Variants in UIMC1 observed in about 807,000 individuals in gnomAD.
UIMC1 encodes ubiquitin interaction motif containing 1, also known as BRCA1-A complex subunit RAP80.
UIMC1 carries 42 observed loss-of-function variants against 84.9 expected under a neutral mutation model. The observed-to-expected ratio is 0.49, with a 90% CI of 0.39 to 0.64. UIMC1 has a LOEUF of 0.64. UIMC1 is among the 30% of genes least tolerant of loss of function. The pLI, the probability that UIMC1 is intolerant of heterozygous loss-of-function variation, is 0.00. For missense variants in UIMC1, 825 were observed against 847.6 expected (o/e 0.97, Z 0.33); for synonymous variants, 281 against 293.0 (o/e 0.96, Z 0.42).
chr5:177,011,427 T>A (rs908452930), upstream of UIMC1, among the ~76,000 whole-genome samples: 2 of 150,912 alleles, frequency 1.3e-5, no homozygotes, highest in African/African-American at 2.4e-5. Flanking sequence ...ATAAAAACAT[T>A]TAAAATTTAG....
Position 176,973,359 on chromosome 5 carries a change from G to A in UIMC1, c.232+2037C>T, listed in dbSNP as rs755795102. On this transcript the variant is annotated intron_variant, in intron 3 of 14. Coordinates refer to ENST00000511320, the MANE Select transcript of UIMC1 (RefSeq NM_001199298.2). ...CAGACATACAATCAGTACATAAAAC[G>A]GAATACAAAGCTTATCTGTGGTATT... Among the ~76,000 whole-genome samples the A allele has an allele frequency of 8.4e-4, 128 of 151,950 alleles. 1 individual carries two copies. The highest frequency in any genetic ancestry group is 1.3e-3 in the Non-Finnish European group (91 of 67,948).
intron 1 of UIMC1, among the ~76,000 whole-genome samples, chr5:177,002,673 C>T (rs902942263): frequency 6.6e-6 from 1 of 152,038 alleles, no homozygotes; most frequent in Non-Finnish European, 1.5e-5. Flanking sequence ...TAGTGGCACG[C>T]GCCTGTAGTC....
chr5:176,914,479 T>C (rs529631361), intron 10 of UIMC1, among the ~76,000 whole-genome samples: 82 of 152,292 alleles, frequency 5.4e-4, no homozygotes, highest in African/African-American at 1.8e-3. Context: ...GTGCAAGTAA[T>C]TTGGGGAGAT....
chr5:177,010,617 G>T (rs1246898449), upstream of UIMC1, among the ~76,000 whole-genome samples: 1 of 152,060 alleles, frequency 6.6e-6, no homozygotes, highest in African/African-American at 2.4e-5. Context: ...TGCCTCCTGG[G>T]TTCAAGCGAT....
chr5:176,975,547 C>A, intron 2 of UIMC1, 67 bp from the exon 3 acceptor site: 5 of 1,518,524 alleles, frequency 3.3e-6, no homozygotes, highest in Non-Finnish European at 4.6e-6. Context: ...CTCTCTTCTA[C>A]CTCCCCTATG....
chr5:176,998,570 C>G (rs972919023), intron 1 of UIMC1, among the ~76,000 whole-genome samples: 1 of 150,786 alleles, frequency 6.6e-6, no homozygotes, highest in African/African-American at 2.4e-5. Context: ...GAGTTCGAGA[C>G]CAGCCTGACA....
At chr5:176,958,290 G>T in intron 6 of UIMC1, 136 bp from the exon 7 acceptor site, 1 of 640,484 alleles carries the variant, frequency 1.6e-6, no homozygotes, top group Non-Finnish European at 2.5e-6. Flanking sequence ...CCATAAGCCA[G>T]TAAGTGTCAA....
intron 11 of UIMC1, among the ~76,000 whole-genome samples, 200 bp downstream of exon 11, chr5:176,911,111 A>G: frequency 7.6e-6 from 1 of 131,216 alleles, no homozygotes; most frequent in African/African-American, 2.9e-5. Context: ...AGAGAGAGAG[A>G]GAAGAAAAGA....
upstream of UIMC1, among the ~76,000 whole-genome samples, chr5:177,008,578 C>T (rs1349944345): frequency 1.3e-5 from 2 of 151,860 alleles, no homozygotes; most frequent in African/African-American, 4.9e-5. Flanking sequence ...CCTTTTAGGG[C>T]ATCTTACTTC....
At chr5:176,959,265 G>C (rs1331199694) in intron 6 of UIMC1, among the ~76,000 whole-genome samples, 1 of 152,184 alleles carries the variant, frequency 6.6e-6, no homozygotes, top group Non-Finnish European at 1.5e-5. Flanking sequence ...GAAAGAAAGA[G>C]AAAGAGAATG....
intron 5 of UIMC1, 63 bp from the exon 6 acceptor site, chr5:176,969,354 G>A: frequency 6.5e-7 from 1 of 1,529,706 alleles, no homozygotes; most frequent in East Asian, 2.3e-5. Context: ...GGCTTGGTAA[G>A]TTATCACTTA....
chr5:177,011,890 T>G (rs953980891), intron 1 of UIMC1, among the ~76,000 whole-genome samples: 2 of 151,852 alleles, frequency 1.3e-5, no homozygotes, highest in African/African-American at 4.8e-5. Flanking sequence ...AAGCTCTGCC[T>G]CCTGGGTTCA....
At chr5:176,934,649 G>A (rs1024211176) in intron 10 of UIMC1, among the ~76,000 whole-genome samples, 1 of 152,210 alleles carries the variant, frequency 6.6e-6, no homozygotes, top group Admixed American at 6.5e-5. Flanking sequence ...TTTTCTGACA[G>A]ATACTAACAG....
chr5:176,970,882 G>A lies in UIMC1; in HGVS notation c.233-16C>T, dbSNP rs1313001673. 6.2e-7 allele frequency: 1 copy of A among 1,611,902 alleles called. No individual in the cohort carries two copies. The highest frequency in any genetic ancestry group is 8.5e-7 in the Non-Finnish European group (1 of 1,179,294). ...TCTGTCATCTCTGTAAGAGGATAGG[G>A]AAAAGAGAAGGAGGAACACCACAAA... On this transcript the variant is annotated splice_polypyrimidine_tract_variant and intron_variant, in intron 3 of 14. Coordinates refer to ENST00000511320, the MANE Select transcript of UIMC1 (RefSeq NM_001199298.2).
chr5:176,933,101 T>A (rs1257247804), intron 10 of UIMC1, among the ~76,000 whole-genome samples: 2 of 152,182 alleles, frequency 1.3e-5, no homozygotes, highest in African/African-American at 4.8e-5. Flanking sequence ...TGGCCCAGGC[T>A]GCATAAATCT....
intron 1 of UIMC1, among the ~76,000 whole-genome samples, chr5:176,994,683 T>G: frequency 6.6e-6 from 1 of 152,056 alleles, no homozygotes; most frequent in Non-Finnish European, 1.5e-5. Context: ...GGGCTTGACT[T>G]TTATACACAC....
chr5:176,982,971 T>C (rs1174499885), intron 1 of UIMC1, among the ~76,000 whole-genome samples: 1 of 152,166 alleles, frequency 6.6e-6, no homozygotes, highest in East Asian at 1.9e-4. Context: ...AGTGCTGAGA[T>C]TACAGACATG....
At chr5:176,986,871 C>T (rs528136000) in intron 1 of UIMC1, among the ~76,000 whole-genome samples, 35 of 152,024 alleles carry the variant, frequency 2.3e-4, no homozygotes, top group Non-Finnish European at 3.7e-4. Context: ...AAAACTATCA[C>T]GATTTGCAGA....
In UIMC1 at chr5:176,936,338, T is replaced by C. The variant is rs140355037; in HGVS notation, c.1597+6997A>G. On this transcript the variant is annotated intron_variant, in intron 10 of 14. Transcript: ENST00000511320. ...TCAAATATTAGCCAGTTAGGAAATA[T>C]TACAGCTGAGCTGCCTAGTTCTAAA... Among the ~76,000 whole-genome samples the C allele has an allele frequency of 2.2e-3, 335 of 152,338 alleles. 1 individual carries two copies. The highest frequency in any genetic ancestry group is 7.6e-3 in the African/African-American group (315 of 41,562).
Sources: allele counts gnomAD v4.1 joint callset (sites outside exome capture counted in the v4.1 genomes callset), GRCh38; gene constraint gnomAD v4.1.1; transcripts MANE v1.5; gene names NCBI Gene and HGNC (gene_info 2026-07-23, HGNC 2026-07-21).